Variants in ZNF469 observed in about 807,000 individuals in gnomAD.
ZNF469 encodes zinc finger protein 469.
Under a neutral mutation model 1.0 loss-of-function variants are expected in ZNF469, and 1 was observed. The ratio of observed to expected loss-of-function variants is 1.00; its 90% CI spans 0.35 to 4.73. The LOEUF is 4.73. ZNF469 is among the 30% of genes most tolerant of loss of function. The probability of loss-of-function intolerance (pLI) is 0.16; values close to 1 mark genes in which losing one functional copy is unlikely to be tolerated. For synonymous variants in ZNF469, 2,703 were observed against 2,363.4 expected (o/e 1.14, Z -4.17); for missense variants, 6,100 against 5,356.3 (o/e 1.14, Z -4.33).
chr16:88,337,671 C>T, the ZNF469 span, among the ~76,000 whole-genome samples: 1 of 152,316 alleles, frequency 6.6e-6, no homozygotes, highest in East Asian at 1.9e-4. Flanking sequence ...TCCTCAGCAG[C>T]AAGCATCACT....
the ZNF469 span, among the ~76,000 whole-genome samples, chr16:88,348,665 C>T: frequency 3.9e-5 from 6 of 152,324 alleles, no homozygotes; most frequent in South Asian, 1.2e-3. Context: ...CTGCCCAGAC[C>T]CCTGCCGTGA....
the ZNF469 span, among the ~76,000 whole-genome samples, chr16:88,133,792 T>C: frequency 3.3e-5 from 5 of 152,338 alleles, no homozygotes; most frequent in African/African-American, 1.2e-4. Flanking sequence ...TTGTACATTA[T>C]GCATAAAAAC....
chr16:88,370,845 G>A, the ZNF469 span, among the ~76,000 whole-genome samples: 2 of 152,348 alleles, frequency 1.3e-5, no homozygotes, highest in Admixed American at 6.5e-5. Flanking sequence ...TAGCAAGTGC[G>A]ATGCAAGTAG....
At chr16:88,144,346 C>T in the ZNF469 span, among the ~76,000 whole-genome samples, 3 of 152,308 alleles carry the variant, frequency 2.0e-5, no homozygotes, top group South Asian at 2.1e-4. Context: ...CAGAATAAAA[C>T]AGGACTCTGC....
the ZNF469 span, among the ~76,000 whole-genome samples, chr16:88,365,295 T>C: frequency 6.6e-6 from 1 of 152,200 alleles, no homozygotes; most frequent in Admixed American, 6.5e-5. Context: ...CTACTTGTCT[T>C]CTGGGGATTG....
chr16:88,376,958 GA>G, the ZNF469 span, among the ~76,000 whole-genome samples: 1 of 152,256 alleles, frequency 6.6e-6, no homozygotes, highest in African/African-American at 2.4e-5. Flanking sequence ...AAGCAGGGAG[GA>G]CGGCTCTGCC....
At chr16:88,262,641 GGGGTCCCCTCCTGGGGTCCT>G in the ZNF469 span, among the ~76,000 whole-genome samples, 23 of 152,190 alleles carry the variant, frequency 1.5e-4, no homozygotes, top group South Asian at 1.9e-3. The surrounding 1 kb of genome is among the most constrained non-coding windows in gnomAD (Gnocchi z 4.3). Context: ...GCTCCCTATT[GGGGTCCCCTCCTGGGGTCCT>G]GGGTCCCCAC....
At chr16:88,198,959 G>C in the ZNF469 span, among the ~76,000 whole-genome samples, 2 of 152,226 alleles carry the variant, frequency 1.3e-5, no homozygotes, top group African/African-American at 4.8e-5. Flanking sequence ...ACAAGACGCT[G>C]CTGCCGCCTC....
At chr16:88,324,456 C>CT in the ZNF469 span, among the ~76,000 whole-genome samples, 11 of 152,214 alleles carry the variant, frequency 7.2e-5, no homozygotes, top group Non-Finnish European at 1.3e-4. Flanking sequence ...CAGTGCTGTC[C>CT]TCTCCTATGG....
the ZNF469 span, among the ~76,000 whole-genome samples, chr16:88,139,158 C>A: frequency 1.4e-5 from 2 of 141,932 alleles, no homozygotes; most frequent in African/African-American, 4.9e-5. Flanking sequence ...AGCGTCAGAG[C>A]AGAGACTGCT....
At chr16:88,135,792 G>A in the ZNF469 span, among the ~76,000 whole-genome samples, 2 of 120,838 alleles carry the variant, frequency 1.7e-5, no homozygotes, top group Non-Finnish European at 3.2e-5. Flanking sequence ...ATGGAGTCTC[G>A]CTCTGTCGCC....
At chr16:88,252,659 G>C in the ZNF469 span, among the ~76,000 whole-genome samples, 1 of 152,190 alleles carries the variant, frequency 6.6e-6, no homozygotes, top group African/African-American at 2.4e-5. Flanking sequence ...TATCTATAGA[G>C]ACTATGACTT....
At chr16:88,365,749 A>C in the ZNF469 span, among the ~76,000 whole-genome samples, 1 of 152,174 alleles carries the variant, frequency 6.6e-6, no homozygotes, top group Non-Finnish European at 1.5e-5. Flanking sequence ...TGTCCTCACC[A>C]GCCTTGGAGT....
the ZNF469 span, among the ~76,000 whole-genome samples, chr16:88,334,049 TGTC>T: frequency 6.6e-6 from 1 of 151,064 alleles, no homozygotes; most frequent in Non-Finnish European, 1.5e-5. Flanking sequence ...TGTCTCTGTG[TGTC>T]TGTGTCTGTG....
At chr16:88,367,466 C>T in the ZNF469 span, among the ~76,000 whole-genome samples, 6 of 152,350 alleles carry the variant, frequency 3.9e-5, no homozygotes, top group South Asian at 1.0e-3. Context: ...GGTCATCCTT[C>T]GCCACCTTTT....
the ZNF469 span, among the ~76,000 whole-genome samples, chr16:88,132,320 C>T: frequency 6.6e-6 from 1 of 152,268 alleles, no homozygotes; most frequent in African/African-American, 2.4e-5. Context: ...CATGCCCTGG[C>T]CTTCGGCTCC....
chr16:88,350,214 C>G, the ZNF469 span, among the ~76,000 whole-genome samples: 5 of 152,234 alleles, frequency 3.3e-5, no homozygotes, highest in African/African-American at 1.2e-4. Flanking sequence ...AGGCGGATCT[C>G]CAAAGGTGTC....
chr16:88,246,540 A>G, the ZNF469 span, among the ~76,000 whole-genome samples: 1 of 152,264 alleles, frequency 6.6e-6, no homozygotes, highest in Non-Finnish European at 1.5e-5. Flanking sequence ...TTCAGCCTGC[A>G]TTAGAATCGC....
rs1905895869 is a variant in ZNF469 at position 88,428,798 on chromosome 16, C to T, written c.1328C>T (p.Pro443Leu). 6.5e-7 allele frequency: 1 copy of T among 1,546,632 alleles called. No individual in the cohort carries two copies. ...GCCAGGCTGCCCCAGCTGTGGGACC[C>T]CACAGCAGCCCCTTACCCCACACCT... Reference protein sequence around the residue: ...PPARLPQLWDPTAAPYPTPPG... With the variant: ...PPARLPQLWDLTAAPYPTPPG... Residue 443 changes from proline to leucine, a missense_variant, in exon 3 of 3, where the codon CCC becomes CTC. Physicochemically the swap from Pro to Leu is moderately conservative, Grantham distance 98. Transcript: ENST00000565624.
Sources: gnomAD v4.1 joint callset for allele counts (sites outside exome capture counted in the v4.1 genomes callset) on GRCh38, gnomAD v4.1.1 for gene constraint, Gnocchi (gnomAD v3.1) non-coding constraint, MANE v1.5 for transcripts, NCBI Gene and HGNC (gene_info 2026-07-23, HGNC 2026-07-21) for gene names.